UBXN7: variants seen among roughly 807,000 people sequenced by gnomAD.
The protein encoded by UBXN7 is UBX domain protein 7, also known as UBX domain-containing protein 7.
UBXN7 carries 9 observed loss-of-function variants against 58.0 expected under a neutral mutation model. The observed-to-expected ratio is 0.16, with a 90% confidence interval of 0.09 to 0.27. The LOEUF (loss-of-function observed/expected upper bound fraction) is 0.27. UBXN7 is among the 10% of genes least tolerant of loss of function. The probability of loss-of-function intolerance (pLI) is 1.00; values close to 1 mark genes in which losing one functional copy is unlikely to be tolerated. For missense variants in UBXN7, 328 were observed against 599.6 expected (o/e 0.55, Z 4.73); for synonymous variants, 208 against 205.0 (o/e 1.01, Z -0.12).
intron 3 of UBXN7, among the ~76,000 whole-genome samples, chr3:196,401,332 T>TAC (rs1466152145): frequency 2.9e-4 from 36 of 123,140 alleles, no homozygotes; most frequent in African/African-American, 1.0e-3. Flanking sequence ...TATATATATA[T>TAC]ACACATATAT....
chr3:196,415,374 G>T (rs1219557032), intron 1 of UBXN7, among the ~76,000 whole-genome samples: 3 of 149,464 alleles, frequency 2.0e-5, no homozygotes, highest in South Asian at 2.1e-4. Context: ...GGATGGTCTC[G>T]ATCTCCTGAC....
intron 1 of UBXN7, among the ~76,000 whole-genome samples, chr3:196,415,536 G>A (rs954271758): frequency 2.7e-5 from 4 of 149,308 alleles, no homozygotes; most frequent in African/African-American, 7.4e-5. Context: ...CAGCACTTTC[G>A]GAGGCCGAGA....
chr3:196,348,651 C>T lies in UBXN7; in HGVS notation c.*8034G>A, dbSNP rs1005518920. ...AGTTGACTTCACTCAAGCCCCCAAC[C>T]CACCCTCATCATCCCTATCCCCCTA... is the stretch of plus-strand genomic sequence containing the variant. On this transcript the variant is annotated 3_prime_UTR_variant, in exon 11 of 11. Coordinates refer to ENST00000296328, the MANE Select transcript of UBXN7 (RefSeq NM_015562.2). The T allele has an allele frequency of 6.6e-6, 1 of 152,126 alleles. No homozygotes were observed. The highest frequency in any genetic ancestry group is 1.5e-5 in the Non-Finnish European group (1 of 68,038). 9.4% of individuals were successfully genotyped at this position (152,126 alleles called of 1,614,324 possible). A position where few individuals can be genotyped will look rare whatever the true frequency, so the allele number is the denominator to read the frequency against.
chr3:196,380,892 A>C (rs1729186731), intron 5 of UBXN7, among the ~76,000 whole-genome samples: 2 of 152,220 alleles, frequency 1.3e-5, no homozygotes, highest in South Asian at 4.1e-4. Flanking sequence ...CGCAGCAGTC[A>C]GAGATTGATC....
chr3:196,389,021 C>T (rs1276499589), intron 5 of UBXN7, among the ~76,000 whole-genome samples: 3 of 152,036 alleles, frequency 2.0e-5, no homozygotes, highest in Admixed American at 6.6e-5. Flanking sequence ...AAAAGAGATT[C>T]GTATTTTCCC....
intron 1 of UBXN7, among the ~76,000 whole-genome samples, chr3:196,424,264 C>T (rs1730777882): frequency 6.6e-6 from 1 of 151,988 alleles, no homozygotes; most frequent in Admixed American, 6.6e-5. Flanking sequence ...TGAGTCTTCT[C>T]TGCACTTTCT....
At chr3:196,414,807 T>A (rs1378815146) in intron 1 of UBXN7, 1 of 152,156 alleles carries the variant, frequency 6.6e-6, no homozygotes, top group African/African-American at 2.4e-5. Context: ...ACTTTTCTCA[T>A]CCCAGTTACA....
chr3:196,349,085 T>A lies in UBXN7; in HGVS notation c.*7600A>T, dbSNP rs1018317798. The A allele has an allele frequency of 3.9e-5, 6 of 152,254 alleles. No homozygotes were observed. The highest frequency in any genetic ancestry group is 1.4e-4 in the African/African-American group (6 of 41,474). 9.4% of individuals were successfully genotyped at this position (152,254 alleles called of 1,614,324 possible). On this transcript the variant is annotated 3_prime_UTR_variant, in exon 11 of 11. Coordinates refer to ENST00000296328, the MANE Select transcript of UBXN7 (RefSeq NM_015562.2). ...TAACAGATTCATGCCAAAGCTTGGA[T>A]GGAAGCCCCTCAAAGTCTAAGTATC...
At chr3:196,409,573 A>T (rs904346217) in intron 1 of UBXN7, among the ~76,000 whole-genome samples, 1 of 152,172 alleles carries the variant, frequency 6.6e-6, no homozygotes, top group African/African-American at 2.4e-5. Flanking sequence ...ACCCACAGGC[A>T]CTACCAAACT....
intron 10 of UBXN7, among the ~76,000 whole-genome samples, chr3:196,358,038 G>A (rs1048946765): frequency 6.6e-6 from 1 of 151,784 alleles, no homozygotes; most frequent in Admixed American, 6.6e-5. Context: ...GTGTCTACAA[G>A]AAAAGGAAGA....
At position 196,355,726 on chromosome 3, in the gene UBXN7, A is replaced by C. The variant is rs1728327334; in HGVS notation, c.*959T>G. 1 of 152,236 alleles carries C rather than the reference A, an allele frequency of 6.6e-6. No individual in the cohort carries two copies. Among genetic ancestry groups the C allele is most frequent in the Non-Finnish European group, 1.5e-5 (1 of 68,040 alleles). 9.4% of individuals were successfully genotyped at this position (152,236 alleles called of 1,614,324 possible). A position where few individuals can be genotyped will look rare whatever the true frequency, so the allele number is the denominator to read the frequency against. ...CCAGGGACATACCTAAGTATGCCTG[A>C]AACAACACAGGACAATCAATAACCA... On this transcript the variant is annotated 3_prime_UTR_variant, in exon 11 of 11. Coordinates refer to ENST00000296328, the MANE Select transcript of UBXN7 (RefSeq NM_015562.2).
intron 1 of UBXN7, among the ~76,000 whole-genome samples, chr3:196,408,525 C>G (rs1730230897): frequency 6.6e-6 from 1 of 152,086 alleles, no homozygotes; most frequent in South Asian, 2.1e-4. Context: ...TGAACATTTT[C>G]TGGCCACTAA....
Position 196,348,134 on chromosome 3 carries a change from C to T in UBXN7, c.*8551G>A, listed in dbSNP as rs1471900485. 2 of 152,058 alleles carry T rather than the reference C, an allele frequency of 1.3e-5. No homozygotes were observed. The highest frequency in any genetic ancestry group is 4.8e-5 in the African/African-American group (2 of 41,370). The allele number at this position is 152,058 out of a possible 1,614,324, so 9.4% of individuals were successfully genotyped here. On this transcript the variant is annotated 3_prime_UTR_variant, in exon 11 of 11. Transcript: ENST00000296328. ...CTAATGGCATGTTTTTCTCCTCTTACAAGTTTAATTTTCTACCGCCTCCAT... is the reference window on the plus strand; with the variant it reads ...CTAATGGCATGTTTTTCTCCTCTTATAAGTTTAATTTTCTACCGCCTCCAT...
intron 5 of UBXN7, among the ~76,000 whole-genome samples, chr3:196,373,709 A>C (rs545161756): frequency 5.9e-5 from 9 of 151,508 alleles, no homozygotes; most frequent in African/African-American, 1.7e-4. Context: ...AGAATAAATT[A>C]TTTTCTTTTT....
intron 1 of UBXN7, among the ~76,000 whole-genome samples, chr3:196,425,889 C>T (rs972418762): frequency 2.0e-5 from 3 of 152,084 alleles, no homozygotes; most frequent in African/African-American, 7.2e-5. Flanking sequence ...GTATTAGCTC[C>T]TTACCATTCT....
At chr3:196,417,723 TTAAAAAAAAAAAAAAAAA>T (rs1205654903) in intron 1 of UBXN7, among the ~76,000 whole-genome samples, 5 of 78,414 alleles carry the variant, frequency 6.4e-5, no homozygotes, top group South Asian at 4.7e-4. Flanking sequence ...GGCAAAATGG[TTAAAAAAAAAAAAAAAAA>T]AAAAAAAAAA....
chr3:196,432,262 C>G (rs758920607), intron 1 of UBXN7, 65 bp downstream of exon 1: 2 of 1,593,518 alleles, frequency 1.3e-6, no homozygotes, highest in Non-Finnish European at 1.7e-6. Flanking sequence ...TAAGGGGAAG[C>G]CCGGGGCAGA....
chr3:196,403,827 A>C (rs911086221), intron 2 of UBXN7, among the ~76,000 whole-genome samples: 2 of 152,190 alleles, frequency 1.3e-5, no homozygotes, highest in Non-Finnish European at 2.9e-5. Flanking sequence ...AAAAAAAGTA[A>C]TTACTCATCT....
chr3:196,426,064 G>A (rs1250851580), intron 1 of UBXN7, among the ~76,000 whole-genome samples: 1 of 151,888 alleles, frequency 6.6e-6, no homozygotes, highest in Non-Finnish European at 1.5e-5. Context: ...GATTCCATTC[G>A]CAACTCAAAA....
Sources: gnomAD v4.1 joint callset for allele counts (sites outside exome capture counted in the v4.1 genomes callset) on GRCh38, gnomAD v4.1.1 for gene constraint, MANE v1.5 for transcripts, NCBI Gene and HGNC (gene_info 2026-07-23, HGNC 2026-07-21) for gene names.